The following MEGF10 variants were observed in gnomAD, a reference collection of about 807,000 sequenced individuals.
MEGF10 encodes the protein multiple epidermal growth factor-like domains protein 10.
In MEGF10, 86 loss-of-function variants were observed where a neutral mutation model predicts 147.5. The ratio of observed to expected loss-of-function variants is 0.58; its 90% CI spans 0.49 to 0.70. The LOEUF (loss-of-function observed/expected upper bound fraction) is 0.70, where lower values mean the gene tolerates loss of function less well. Among genes scored for constraint, MEGF10 ranks in the 30% least tolerant of loss-of-function variants. The probability of loss-of-function intolerance (pLI) is 0.00; values close to 1 mark genes in which losing one functional copy is unlikely to be tolerated. For synonymous variants in MEGF10, 478 were observed against 525.5 expected (o/e 0.91, Z 1.24); for missense variants, 1,329 against 1,487.3 (o/e 0.89, Z 1.75).
In MEGF10 at chr5:127,389,626, T is replaced by C. The variant is rs182016162; in HGVS notation, c.413-6906T>C. 2.9e-3 allele frequency among the ~76,000 whole-genome samples: 443 copies of C among 152,254 alleles called. 1 individual carries two copies. The highest frequency in any genetic ancestry group is 4.9e-3 in the Non-Finnish European group (332 of 68,022). On this transcript the variant is annotated intron_variant, in intron 5 of 24. Coordinates refer to ENST00000503335, the MANE Select transcript of MEGF10 (RefSeq NM_001256545.2). ...TGAGATCATGTTCTTTGCAGGGACA[T>C]GGATGGAGCTGGAGGCCATTATCCT...
At chr5:127,435,060 A>G (rs1765508395) in intron 15 of MEGF10, among the ~76,000 whole-genome samples, 1 of 152,182 alleles carries the variant, frequency 6.6e-6, no homozygotes, top group Non-Finnish European at 1.5e-5. Context: ...TTTTAGCTGG[A>G]CATGTCCTCC....
chr5:127,263,307 C>CA, the MEGF10 span, among the ~76,000 whole-genome samples: 69,431 of 143,294 alleles, frequency 0.48, 16,886 homozygotes, highest in East Asian at 0.69. Flanking sequence ...GAGGGATTCT[C>CA]GGGGGGGGGG....
chr5:127,237,058 C>T, the MEGF10 span, among the ~76,000 whole-genome samples: 1 of 152,132 alleles, frequency 6.6e-6, no homozygotes, highest in East Asian at 1.9e-4. Context: ...CCAGAAATGT[C>T]TGCGTTTTCC....
intron 13 of MEGF10, chr5:127,424,280 A>G (rs530608264): frequency 3.4e-5 from 24 of 701,126 alleles, no homozygotes; most frequent in Middle Eastern, 2.4e-4. Flanking sequence ...ATTGTAGCTT[A>G]GGAGGAAGCA....
chr5:127,384,980 T>G (rs1465162888), intron 5 of MEGF10, among the ~76,000 whole-genome samples: 1 of 152,202 alleles, frequency 6.6e-6, no homozygotes, highest in Non-Finnish European at 1.5e-5. Flanking sequence ...TAAAAGACCC[T>G]CAGGGAACTG....
At chr5:127,422,480 C>G (rs1043367253) in intron 12 of MEGF10, among the ~76,000 whole-genome samples, 190 bp from the exon 13 acceptor site, 4 of 152,014 alleles carry the variant, frequency 2.6e-5, no homozygotes, top group Non-Finnish European at 5.9e-5. Context: ...CACCACTGCA[C>G]TCCAGTCTGG....
intron 7 of MEGF10, among the ~76,000 whole-genome samples, chr5:127,400,779 C>G (rs921816018): frequency 7.9e-5 from 12 of 152,176 alleles, no homozygotes; most frequent in Admixed American, 3.3e-4. Context: ...GGACCCCTCC[C>G]TAGCAGCCTA....
chr5:127,391,048 G>T (rs1344065887), intron 5 of MEGF10, among the ~76,000 whole-genome samples: 3 of 149,630 alleles, frequency 2.0e-5, no homozygotes, highest in African/African-American at 7.4e-5. Flanking sequence ...TTTATGAACG[G>T]TTATTGTCTT....
intron 1 of MEGF10, among the ~76,000 whole-genome samples, chr5:127,297,809 T>C (rs1260288087): frequency 6.6e-6 from 1 of 152,178 alleles, no homozygotes; most frequent in East Asian, 1.9e-4. Flanking sequence ...TAGGGGGACC[T>C]ATTGAGATTC....
At chr5:127,395,854 C>T (rs1347645409) in intron 5 of MEGF10, among the ~76,000 whole-genome samples, 1 of 152,118 alleles carries the variant, frequency 6.6e-6, no homozygotes, top group African/African-American at 2.4e-5. Flanking sequence ...ATCTTAAAAG[C>T]AGATCAGTAG....
intron 1 of MEGF10, among the ~76,000 whole-genome samples, chr5:127,317,577 A>G (rs1490126572): frequency 6.6e-6 from 1 of 152,230 alleles, no homozygotes. Flanking sequence ...GCCATAAAAA[A>G]GGATGAGTTC....
chr5:127,286,254 G>C (rs897597085), upstream of MEGF10, among the ~76,000 whole-genome samples: 1 of 151,982 alleles, frequency 6.6e-6, no homozygotes. Flanking sequence ...AGCAGAGAAG[G>C]GTGACTATTG....
intron 4 of MEGF10, among the ~76,000 whole-genome samples, chr5:127,355,712 TG>T (rs1037928273): frequency 6.6e-5 from 10 of 152,354 alleles, no homozygotes; most frequent in African/African-American, 2.4e-4. Context: ...AAGAAACCTT[TG>T]TTGCTTTACT....
intron 1 of MEGF10, among the ~76,000 whole-genome samples, chr5:127,298,552 G>T (rs1759618174): frequency 6.6e-6 from 1 of 152,196 alleles, no homozygotes; most frequent in South Asian, 2.1e-4. Context: ...GATTCGGTAG[G>T]TGCGTAGTGG....
intron 8 of MEGF10, among the ~76,000 whole-genome samples, chr5:127,403,746 T>C (rs1434075332): frequency 2.6e-5 from 4 of 152,212 alleles, no homozygotes; most frequent in East Asian, 3.8e-4. Flanking sequence ...TCTCCAGTTC[T>C]ATCCATGTTG....
chr5:127,342,510 G>A (rs1362324347), intron 4 of MEGF10, among the ~76,000 whole-genome samples: 2 of 152,140 alleles, frequency 1.3e-5, no homozygotes, highest in African/African-American at 4.8e-5. Context: ...CTGGCATGTG[G>A]GATGCTAGAT....
At chr5:127,409,557 C>G (rs1764472919) in intron 8 of MEGF10, 1 of 152,276 alleles carries the variant, frequency 6.6e-6, no homozygotes, top group South Asian at 2.1e-4. Context: ...TCTAGCAACT[C>G]AGCTCCCACC....
At chr5:127,260,445 G>C in the MEGF10 span, among the ~76,000 whole-genome samples, 22 of 152,122 alleles carry the variant, frequency 1.4e-4, no homozygotes, top group African/African-American at 4.6e-4. Context: ...GTTCCCAGAA[G>C]TTTCTGGTAA....
In MEGF10 at chr5:127,319,168, C is replaced by T. The variant is rs189906766; in HGVS notation, c.-18-12123C>T. Among the ~76,000 whole-genome samples the T allele has an allele frequency of 4.6e-5, 7 of 151,942 alleles. No homozygotes were observed. In the East Asian group the frequency reaches 5.8e-4, roughly 13 times the overall value. On this transcript the variant is annotated intron_variant, in intron 1 of 24. Transcript: ENST00000503335. ...TCGGCTCACTGCAACCCCTGCTTCC[C>T]GGGTTCAAGTGATTCTCCTGCTTCA...
Sources: gnomAD v4.1 joint callset for allele counts (sites outside exome capture counted in the v4.1 genomes callset) on GRCh38, gnomAD v4.1.1 for gene constraint, MANE v1.5 for transcripts, NCBI Gene and HGNC (gene_info 2026-07-23, HGNC 2026-07-21) for gene names.